Variants in TTC6 observed in about 807,000 individuals in gnomAD.
TTC6 encodes tetratricopeptide repeat domain 6.
A neutral mutation model predicts 210.4 loss-of-function variants in TTC6; 172 were observed. The observed-to-expected ratio is 0.82, with a 90% CI of 0.72 to 0.93. TTC6 has a LOEUF of 0.93. Ranked by LOEUF, TTC6 falls within the 40% of genes least tolerant of loss-of-function variation. The pLI is 0.00. For synonymous variants in TTC6, 804 were observed against 819.6 expected, an observed-to-expected ratio of 0.98 and a Z score of 0.32; for missense variants, 2,414 against 2,318.1, an observed-to-expected ratio of 1.04 and a Z score of -0.85.
chr14:37,749,545 C>T, intron 11 of TTC6, 144 bp downstream of exon 13: 1 of 1,098,256 alleles, frequency 9.1e-7, no homozygotes. Context: ...TTTGCATTTT[C>T]AAGTAATTAA....
At chr14:37,679,413 A>G (rs535064009) in intron 1 of TTC6, among the ~76,000 whole-genome samples, 1 of 152,258 alleles carries the variant, frequency 6.6e-6, no homozygotes, top group Non-Finnish European at 1.5e-5. Context: ...TCAACTGAGT[A>G]GAGAGTATAT....
At chr14:37,712,108 C>T (rs1266183554) in intron 5 of TTC6, among the ~76,000 whole-genome samples, 1 of 152,126 alleles carries the variant, frequency 6.6e-6, no homozygotes, top group Non-Finnish European at 1.5e-5. Flanking sequence ...CCACCAAGGC[C>T]CCCATTCATG....
rs901327889 is a variant in TTC6, at chr14:37,753,244, G to T, written c.3266+9G>T. Reference sequence around the variant, plus strand: ...CAAAATTCTCAAGCAAGGTAAGAATGATTTTAGATGTCGTTTTAAAATTAT... The same window carrying T: ...CAAAATTCTCAAGCAAGGTAAGAATTATTTTAGATGTCGTTTTAAAATTAT... On this transcript the variant is annotated intron_variant, in intron 14 of 30. Coordinates refer to ENST00000553443, the Ensembl canonical transcript of TTC6. 54 of 1,503,436 alleles carry T rather than the reference G, an allele frequency of 3.6e-5. No individual in the cohort carries two copies. Among genetic ancestry groups the T allele is most frequent in the Non-Finnish European group, 4.5e-5 (51 of 1,130,410 alleles). The allele number at this position is 1,503,436 out of a possible 1,614,324, so 93.1% of individuals were successfully genotyped here.
At chr14:37,821,361 G>T (rs1175106604) in intron 26 of TTC6, among the ~76,000 whole-genome samples, 1 of 152,156 alleles carries the variant, frequency 6.6e-6, no homozygotes, top group African/African-American at 2.4e-5. Flanking sequence ...GAGCTACTGT[G>T]CCCGGCCTGA....
intron 3 of TTC6, among the ~76,000 whole-genome samples, chr14:37,691,638 A>G (rs2095803789): frequency 6.6e-6 from 1 of 152,198 alleles, no homozygotes; most frequent in South Asian, 2.1e-4. Context: ...TTAAAGAACT[A>G]GAAAAGAAAG....
intron 1 of TTC6, among the ~76,000 whole-genome samples, chr14:37,635,529 CAAT>C (rs149179066): frequency 0.012 from 1,884 of 152,224 alleles, 12 homozygotes; most frequent in Non-Finnish European, 0.019. Context: ...AAATATGACT[CAAT>C]GATATATTGT....
chr14:37,758,408 C>G (rs1689626859), intron 14 of TTC6, among the ~76,000 whole-genome samples: 1 of 152,178 alleles, frequency 6.6e-6, no homozygotes, highest in South Asian at 2.1e-4. Context: ...GTTAGCTCTT[C>G]TTGTTGAAGT....
At chr14:37,732,898 C>T (rs2095891736) in intron 7 of TTC6, among the ~76,000 whole-genome samples, 1 of 152,128 alleles carries the variant, frequency 6.6e-6, no homozygotes, top group African/African-American at 2.4e-5. Flanking sequence ...AGCCACCGGG[C>T]CTGGCCTGTT....
At chr14:37,782,700 T>C (rs1433632660) in intron 14 of TTC6, among the ~76,000 whole-genome samples, 2 of 152,212 alleles carry the variant, frequency 1.3e-5, no homozygotes, top group African/African-American at 4.8e-5. Flanking sequence ...ATCCCTGTCT[T>C]GTGCCAGTTT....
At chr14:37,663,267 T>C (rs2095741095) in intron 1 of TTC6, among the ~76,000 whole-genome samples, 1 of 152,352 alleles carries the variant, frequency 6.6e-6, no homozygotes, top group South Asian at 2.1e-4. Flanking sequence ...CCTGAAACTT[T>C]GCTGAAGTTG....
chr14:37,622,322 GGCCGCCCTCCTGCAGGAGGT>G lies in TTC6; in HGVS notation c.261_280del (p.Ala88ArgfsTer11). ...CGCTTAAAGGCCCTGCGATGTCCGC[GGCCGCCCTCCTGCAGGAGGT>G]GCTCGGAGGCGCGCCGCGTCCCTCG... On this transcript the variant is annotated frameshift_variant, in exon 1 of 31. Transcript: ENST00000553443. LOFTEE classifies it high-confidence loss of function. 1 of 1,533,554 alleles carries G rather than the reference GGCCGCCCTCCTGCAGGAGGT, an allele frequency of 6.5e-7. No individual in the cohort carries two copies. Among genetic ancestry groups the G allele is most frequent in the Admixed American group, 2.0e-5 (1 of 50,902 alleles). 95.0% of individuals were successfully genotyped at this position (1,533,554 alleles called of 1,614,324 possible). A position where few individuals can be genotyped will look rare whatever the true frequency, so the allele number is the denominator to read the frequency against.
exon 13 of TTC6, chr14:37,751,140 C>T (rs552163085): frequency 2.5e-5 from 38 of 1,532,892 alleles, no homozygotes; most frequent in South Asian, 4.8e-5. Context: ...ATTAAATCCA[C>T]GCCCACAGAT....
upstream of TTC6, among the ~76,000 whole-genome samples, chr14:37,618,080 T>C (rs980365454): frequency 6.6e-6 from 1 of 152,198 alleles, no homozygotes; most frequent in East Asian, 1.9e-4. Context: ...CCAAGTCATG[T>C]GGTAATCTGC....
intron 14 of TTC6, among the ~76,000 whole-genome samples, chr14:37,754,710 G>T (rs1056198255): frequency 6.6e-6 from 1 of 152,146 alleles, no homozygotes; most frequent in Non-Finnish European, 1.5e-5. Context: ...TGGGATTACA[G>T]GCATGAGCCA....
chr14:37,682,791 A>G (rs1396512615), exon 3 of TTC6: 1 of 1,535,654 alleles, frequency 6.5e-7, no homozygotes. Context: ...AACCATGTCA[A>G]GTATTCTCCA....
intron 18 of TTC6, 146 bp from the exon 21 acceptor site, chr14:37,796,148 A>G (rs890792802): frequency 8.0e-6 from 3 of 376,308 alleles, no homozygotes; most frequent in African/African-American, 6.4e-5. Context: ...GTTTATATAA[A>G]ATGTCTATAA....
At chr14:37,749,342 C>T (rs886979611) in exon 11 of TTC6, 9 of 1,490,876 alleles carry the variant, frequency 6.0e-6, no homozygotes, top group South Asian at 2.7e-5. Context: ...ATATTGTAGG[C>T]GTGGAGCTAT....
At chr14:37,839,152 G>T (rs953541306) in intron 29 of TTC6, among the ~76,000 whole-genome samples, 2 of 152,116 alleles carry the variant, frequency 1.3e-5, no homozygotes, top group Non-Finnish European at 1.5e-5. Context: ...AATCCTTTGG[G>T]TATATACCCA....
chr14:37,656,800 T>TG (rs778094467), intron 1 of TTC6, among the ~76,000 whole-genome samples: 70 of 152,222 alleles, frequency 4.6e-4, no homozygotes, highest in Admixed American at 1.7e-3. Flanking sequence ...ATTCCAGGGA[T>TG]GGGGAACACC....
Sources: gnomAD v4.1 joint callset for allele counts (sites outside exome capture counted in the v4.1 genomes callset) on GRCh38, gnomAD v4.1.1 for gene constraint, MANE v1.5 for transcripts, NCBI Gene and HGNC (gene_info 2026-07-23, HGNC 2026-07-21) for gene names.